KANK1: variants seen among roughly 807,000 people sequenced by gnomAD.
KANK1 encodes KN motif and ankyrin repeat domains 1.
KANK1 carries 109 observed loss-of-function variants against 106.2 expected under a neutral mutation model. The observed-to-expected ratio is 1.03, with a 90% CI of 0.88 to 1.20. The LOEUF (loss-of-function observed/expected upper bound fraction) is 1.20. KANK1 is among the 50% of genes most tolerant of loss of function. The pLI is 0.00. For synonymous variants in KANK1, 873 were observed against 652.2 expected (o/e 1.34, Z -5.16); for missense variants, 2,399 against 1,710.7 (o/e 1.40, Z -7.10).
At chr9:516,937 T>G (rs1374717116) in intron 1 of KANK1, among the ~76,000 whole-genome samples, 1 of 150,648 alleles carries the variant, frequency 6.6e-6, no homozygotes, top group African/African-American at 2.5e-5. Flanking sequence ...CTAATGAGGT[T>G]TGGCCCCAGA....
rs144467559 is a variant in KANK1, at chr9:676,988, A to G, written c.16A>G (p.Lys6Glu). Residue 6 changes from lysine to glutamate, a missense_variant, in exon 2 of 12, where the codon AAG (lysine) becomes GAG (glutamate). Transcript: ENST00000382297. ...TCAAGCCAGCATGGCTCACACCACA[A>G]AGGTTAACGGCAGTGCCTCAGGTAA... MAHTT[K>E]VNGSASGKAG... is the part of the protein sequence containing the mutation. The G allele has an allele frequency of 1.5e-4, 245 of 1,613,878 alleles. 2 individuals are homozygous for G. In the African/African-American group the frequency reaches 2.4e-3, roughly 16 times the overall value.
chr9:507,417 T>G (rs1266179052), intron 1 of KANK1, among the ~76,000 whole-genome samples: 3 of 151,998 alleles, frequency 2.0e-5, no homozygotes, highest in Non-Finnish European at 2.9e-5. Context: ...CCGACGGAGT[T>G]TTGCTCTTGT....
intron 1 of KANK1, among the ~76,000 whole-genome samples, chr9:635,370 C>T (rs1836837988): frequency 6.6e-6 from 1 of 152,186 alleles, no homozygotes. Flanking sequence ...ATCTCTCTAG[C>T]TGGACCCTGA....
intron 1 of KANK1, among the ~76,000 whole-genome samples, chr9:534,284 C>G (rs2060197095): frequency 6.6e-6 from 1 of 152,166 alleles, no homozygotes; most frequent in African/African-American, 2.4e-5. Context: ...GTTAGAAGAA[C>G]TTTTGAAACT....
At chr9:725,826 C>T (rs1217605001) in intron 3 of KANK1, among the ~76,000 whole-genome samples, 1 of 152,178 alleles carries the variant, frequency 6.6e-6, no homozygotes, top group African/African-American at 2.4e-5. Flanking sequence ...ACAATCAACA[C>T]TTAAGCTGCT....
At chr9:741,016 C>A in intron 9 of KANK1, 82 bp downstream of exon 9, 2 of 1,489,606 alleles carry the variant, frequency 1.3e-6, no homozygotes, top group Non-Finnish European at 1.8e-6. Context: ...GCAGAGCAGG[C>A]ATAGATGCCA....
intron 2 of KANK1, among the ~76,000 whole-genome samples, chr9:472,182 G>GT (rs1296483841): frequency 3.3e-5 from 5 of 152,168 alleles, no homozygotes; most frequent in Admixed American, 6.5e-5. Flanking sequence ...CCTGCCCACA[G>GT]TCTCTGTAAG....
intron 1 of KANK1, among the ~76,000 whole-genome samples, chr9:571,042 C>G (rs1478534735): frequency 1.3e-5 from 2 of 152,156 alleles, no homozygotes; most frequent in Admixed American, 1.3e-4. Context: ...ATCCTTGATA[C>G]ATTTTGTCAA....
At chr9:527,917 G>A (rs2133403362) in intron 1 of KANK1, among the ~76,000 whole-genome samples, 1 of 148,526 alleles carries the variant, frequency 6.7e-6, no homozygotes, top group East Asian at 1.9e-4. Context: ...TGATCACAAG[G>A]TCAGGAGATT....
At chr9:681,606 T>C (rs1817571912) in intron 2 of KANK1, among the ~76,000 whole-genome samples, 1 of 152,156 alleles carries the variant, frequency 6.6e-6, no homozygotes, top group East Asian at 1.9e-4. Context: ...AAAGAATAGC[T>C]GTAAAAACAC....
At chr9:703,862 C>A (rs982111586) in intron 2 of KANK1, among the ~76,000 whole-genome samples, 1 of 152,022 alleles carries the variant, frequency 6.6e-6, no homozygotes. Context: ...CAGGTGCACA[C>A]CACCATGCCC....
chr9:695,461 G>A (rs1821008036), intron 2 of KANK1, among the ~76,000 whole-genome samples: 1 of 64,958 alleles, frequency 1.5e-5, no homozygotes, highest in Non-Finnish European at 3.6e-5. Flanking sequence ...CCCAAGCAGT[G>A]CGTGTGCACA....
intron 10 of KANK1, among the ~76,000 whole-genome samples, chr9:744,135 A>C (rs762034067): frequency 3.3e-5 from 5 of 152,216 alleles, no homozygotes; most frequent in Non-Finnish European, 7.3e-5. Flanking sequence ...GATCTTTGGC[A>C]AATTGCAGAG....
intron 1 of KANK1, among the ~76,000 whole-genome samples, chr9:573,658 G>T (rs1370437933): frequency 6.6e-6 from 1 of 152,066 alleles, no homozygotes; most frequent in Non-Finnish European, 1.5e-5. Context: ...TAAGTCGCGG[G>T]CATTTTATTT....
At chr9:608,034 A>ATTTTTTTT (rs35949327) in intron 1 of KANK1, among the ~76,000 whole-genome samples, 25 of 115,316 alleles carry the variant, frequency 2.2e-4, no homozygotes, top group African/African-American at 8.6e-4. Flanking sequence ...TATTATTATT[A>ATTTTTTTT]TTTTTTTTTT....
At chr9:548,197 C>G (rs957566700) in intron 1 of KANK1, among the ~76,000 whole-genome samples, 16 of 152,144 alleles carry the variant, frequency 1.1e-4, no homozygotes, top group Middle Eastern at 3.2e-3. Flanking sequence ...TAAGATAATT[C>G]TTAAACCTTA....
chr9:525,499 C>T (rs768234493), intron 1 of KANK1, among the ~76,000 whole-genome samples: 5 of 151,358 alleles, frequency 3.3e-5, no homozygotes, highest in East Asian at 3.9e-4. Flanking sequence ...CATGCCTCAG[C>T]CTCCTGAGTA....
intron 3 of KANK1, among the ~76,000 whole-genome samples, chr9:714,288 T>C (rs1024553680): frequency 1.3e-5 from 2 of 150,646 alleles, no homozygotes; most frequent in Admixed American, 6.6e-5. Flanking sequence ...GAACAGCGAG[T>C]GGTAGTGGTC....
At chr9:506,474 C>G (rs530935593) in intron 1 of KANK1, among the ~76,000 whole-genome samples, 1 of 152,046 alleles carries the variant, frequency 6.6e-6, no homozygotes, top group East Asian at 1.9e-4. Context: ...CTAGACTTGC[C>G]TAGTCCATAA....
Sources: allele counts gnomAD v4.1 joint callset (sites outside exome capture counted in the v4.1 genomes callset), GRCh38; gene constraint gnomAD v4.1.1; transcripts MANE v1.5; gene names NCBI Gene and HGNC (gene_info 2026-07-23, HGNC 2026-07-21).